The following A4GALT variants were observed in gnomAD, a reference collection of about 807,000 sequenced individuals.
A4GALT encodes the protein lactosylceramide 4-alpha-galactosyltransferase.
For missense variants in A4GALT, 512 were observed against 486.0 expected, an observed-to-expected ratio of 1.05 and a Z score of -0.50; for synonymous variants, 257 against 220.7, an observed-to-expected ratio of 1.16 and a Z score of -1.46.
intron 1 of A4GALT, among the ~76,000 whole-genome samples, chr22:42,703,146 T>TGTGTTGC (rs1920936652): frequency 1.5e-5 from 1 of 68,954 alleles, no homozygotes; most frequent in East Asian, 4.9e-4. Flanking sequence ...GTGTGTGTTG[T>TGTGTTGC]CCCCACCAGG....
chr22:42,694,048 C>T (rs1037317511), intron 2 of A4GALT, 51 bp from the exon 3 acceptor site: 22 of 1,159,694 alleles, frequency 1.9e-5, no homozygotes, highest in Non-Finnish European at 2.5e-5. Flanking sequence ...ATTCCCGATC[C>T]ACAAGGAAAA....
intron 1 of A4GALT, among the ~76,000 whole-genome samples, chr22:42,696,935 C>T (rs1930977927): frequency 6.6e-6 from 1 of 151,524 alleles, no homozygotes; most frequent in Non-Finnish European, 1.5e-5. Context: ...CCCACCAGGT[C>T]CTCCCTGGGC....
intron 1 of A4GALT, among the ~76,000 whole-genome samples, chr22:42,704,508 A>C (rs1362214771): frequency 6.6e-6 from 1 of 151,700 alleles, no homozygotes; most frequent in Non-Finnish European, 1.5e-5. Context: ...AAAAATAATA[A>C]AAAAAATTAA....
At chr22:42,713,687 C>A (rs1921889385) in intron 1 of A4GALT, among the ~76,000 whole-genome samples, 1 of 152,030 alleles carries the variant, frequency 6.6e-6, no homozygotes, top group Non-Finnish European at 1.5e-5. Context: ...TGGTGGGCAC[C>A]TGTAATCCCA....
In A4GALT at chr22:42,692,389, C is replaced by T. The variant is rs1930496893; in HGVS notation, c.*501G>A. ...ACTCAGTCCCTGTTGACCTCCCCCA[C>T]CCCCCGCGAAAGAGGAACCAAAACC... On this transcript the variant is annotated 3_prime_UTR_variant, in exon 3 of 3. Coordinates refer to ENST00000642412, the MANE Select transcript of A4GALT (RefSeq NM_017436.7). The surrounding 1 kb of genome is among the most constrained non-coding windows in gnomAD (Gnocchi z 4.6). 1 of 326,298 alleles carries T rather than the reference C, an allele frequency of 3.1e-6. No individual in the cohort carries two copies. Among genetic ancestry groups the T allele is most frequent in the Admixed American group, 4.3e-5 (1 of 23,194 alleles). The allele number at this position is 326,298 out of a possible 1,614,324, so 20.2% of individuals were successfully genotyped here.
intron 1 of A4GALT, among the ~76,000 whole-genome samples, chr22:42,719,354 T>C (rs1922479010): frequency 6.6e-6 from 1 of 152,032 alleles, no homozygotes; most frequent in Non-Finnish European, 1.5e-5. Context: ...TCTCAGCCAC[T>C]AGGGAAGCTG....
rs368535748 is a variant in A4GALT, at chr22:42,712,327, C to T, written c.-188+8470G>A. ...CCTTGAATCTGGGCTCTTACACCTT[C>T]GCTCTGGACACACGCACATGCACAC... On this transcript the variant is annotated intron_variant, in intron 1 of 2. Transcript: ENST00000642412. Among the ~76,000 whole-genome samples the T allele has an allele frequency of 1.6e-3, 251 of 152,296 alleles. 1 individual carries two copies. The highest frequency in any genetic ancestry group is 4.7e-3 in the African/African-American group (197 of 41,578).
intron 1 of A4GALT, among the ~76,000 whole-genome samples, chr22:42,714,265 ACT>A (rs1341077712): frequency 8.7e-6 from 1 of 115,124 alleles, no homozygotes; most frequent in African/African-American, 3.3e-5. Context: ...ACAGAGCAAG[ACT>A]CTGTCTCAAA....
Position 42,693,805 on chromosome 22 carries a change from T to C in A4GALT, c.147A>G (p.Lys49=), listed in dbSNP as rs1930706044. 3 of 1,604,176 alleles carry C rather than the reference T, an allele frequency of 1.9e-6. No individual in the cohort carries two copies. Among genetic ancestry groups the C allele is most frequent in the Admixed American group, 1.7e-5 (1 of 58,354 alleles). Residue 49 remains lysine (K), a synonymous_variant, in exon 3 of 3, where the codon AAA becomes AAG. Transcript: ENST00000642412. ...CTGCTGGCAGGTTATAGAGCTGCCC[T>C]TTCTCCTTGGGCTCTCCCACAACGT... ...YWHVVGEPKE[K]GQLYNLPAEI... is the part of the protein sequence containing the mutation.
intron 1 of A4GALT, among the ~76,000 whole-genome samples, chr22:42,703,894 C>T (rs1173868488): frequency 6.6e-6 from 1 of 152,198 alleles, no homozygotes; most frequent in African/African-American, 2.4e-5. Context: ...CCAGGCCCTG[C>T]CTGACAGCTT....
chr22:42,706,757 T>C (rs1008055489), intron 1 of A4GALT, among the ~76,000 whole-genome samples: 1 of 150,676 alleles, frequency 6.6e-6, no homozygotes, highest in Non-Finnish European at 1.5e-5. Context: ...ATTACGCCAC[T>C]GCACTCCAGC....
intron 1 of A4GALT, among the ~76,000 whole-genome samples, chr22:42,704,139 A>G (rs1602005690): frequency 6.6e-6 from 1 of 152,274 alleles, no homozygotes; most frequent in East Asian, 1.9e-4. Flanking sequence ...TAATATTTCT[A>G]CCCAAGAAGT....
In A4GALT at chr22:42,692,394, C is replaced by T. The variant is rs1376123583; in HGVS notation, c.*496G>A. ...GTCCCTGTTGACCTCCCCCACCCCC[C>T]GCGAAAGAGGAACCAAAACCAGAAA... On this transcript the variant is annotated 3_prime_UTR_variant, in exon 3 of 3. Coordinates refer to ENST00000642412, the MANE Select transcript of A4GALT (RefSeq NM_017436.7). This position sits in a 1 kb window ranked among gnomAD's most constrained non-coding sequence, Gnocchi z 4.6. 1.8e-5 allele frequency: 6 copies of T among 331,068 alleles called. No homozygotes were observed. Among genetic ancestry groups the T allele is most frequent in the Non-Finnish European group, 3.0e-5 (5 of 167,710 alleles). The allele number at this position is 331,068 out of a possible 1,614,324, so 20.5% of individuals were successfully genotyped here.
chr22:42,700,006 T>G (rs1311868845), intron 1 of A4GALT, among the ~76,000 whole-genome samples: 2 of 152,116 alleles, frequency 1.3e-5, no homozygotes, highest in Non-Finnish European at 2.9e-5. Flanking sequence ...CTGGTTCTGT[T>G]AATTTGGAGA....
chr22:42,705,393 G>A (rs955392478), intron 1 of A4GALT, among the ~76,000 whole-genome samples: 2 of 151,830 alleles, frequency 1.3e-5, no homozygotes, highest in Admixed American at 6.6e-5. Flanking sequence ...TTGAGGTCGG[G>A]AGTTCGAGAC....
At chr22:42,711,254 A>G (rs549313575) in intron 1 of A4GALT, among the ~76,000 whole-genome samples, 29 of 152,224 alleles carry the variant, frequency 1.9e-4, no homozygotes, top group Non-Finnish European at 3.5e-4. Flanking sequence ...ACATACTCAG[A>G]TAGCATCTCT....
chr22:42,703,084 TGA>T (rs367871263), intron 1 of A4GALT, among the ~76,000 whole-genome samples: 7 of 131,300 alleles, frequency 5.3e-5, no homozygotes, highest in Middle Eastern at 3.6e-3. Flanking sequence ...TGTGTGTGTG[TGA>T]GAGAGAGCAT....
chr22:42,692,678 G>A lies in A4GALT; in HGVS notation c.*212C>T, dbSNP rs1437040626. 5 of 705,456 alleles carry A rather than the reference G, an allele frequency of 7.1e-6. No individual in the cohort carries two copies. In the Admixed American group the frequency reaches 8.1e-5, roughly 11 times the overall value. 43.7% of individuals were successfully genotyped at this position (705,456 alleles called of 1,614,324 possible). A position where few individuals can be genotyped will look rare whatever the true frequency, so the allele number is the denominator to read the frequency against. Reference sequence around the variant, plus strand: ...TCACTGAGCGCCCTCCGCTGGCTATGGCACCATGTGTCAGCCCTGCCTCGA... The same window carrying A: ...TCACTGAGCGCCCTCCGCTGGCTATAGCACCATGTGTCAGCCCTGCCTCGA... On this transcript the variant is annotated 3_prime_UTR_variant, in exon 3 of 3. Coordinates refer to ENST00000642412, the MANE Select transcript of A4GALT (RefSeq NM_017436.7). The surrounding 1 kb of genome is among the most constrained non-coding windows in gnomAD (Gnocchi z 4.6).
intron 1 of A4GALT, among the ~76,000 whole-genome samples, chr22:42,698,290 A>C (rs1471631607): frequency 1.3e-5 from 2 of 151,690 alleles, no homozygotes; most frequent in African/African-American, 4.8e-5. Context: ...CAATGGAGAC[A>C]GAAGGCCAAA....
Sources: gnomAD v4.1 joint callset for allele counts (sites outside exome capture counted in the v4.1 genomes callset) on GRCh38, gnomAD v4.1.1 for gene constraint, Gnocchi (gnomAD v3.1) non-coding constraint, MANE v1.5 for transcripts, NCBI Gene and HGNC (gene_info 2026-07-23, HGNC 2026-07-21) for gene names.